The following NLGN4X variants were observed in gnomAD, a reference collection of about 807,000 sequenced individuals.
NLGN4X encodes neuroligin-4, X-linked.
NLGN4X carries 3 observed loss-of-function variants against 40.3 expected under a neutral mutation model. That is an observed-to-expected ratio of 0.07 (90% CI 0.03 to 0.19). The LOEUF (loss-of-function observed/expected upper bound fraction) is 0.19. NLGN4X is among the 10% of genes least tolerant of loss of function. The probability of loss-of-function intolerance (pLI) is 1.00; values close to 1 mark genes in which losing one functional copy is unlikely to be tolerated. For missense variants in NLGN4X, 382 were observed against 708.3 expected, an observed-to-expected ratio of 0.54 and a Z score of 5.23; for synonymous variants, 270 against 306.8, an observed-to-expected ratio of 0.88 and a Z score of 1.25.
intron 2 of NLGN4X, among the ~76,000 whole-genome samples, chrX:6,071,554 C>G (rs902466570): frequency 1.8e-5 from 2 of 111,612 alleles, no homozygotes; most frequent in African/African-American, 6.5e-5. Context: ...TAGTTTCCTT[C>G]GGCTTCAGAA....
intron 1 of NLGN4X, among the ~76,000 whole-genome samples, chrX:6,197,631 C>A (rs1375864341): frequency 9.1e-6 from 1 of 110,255 alleles, no homozygotes; most frequent in Non-Finnish European, 1.9e-5. Context: ...GTATTCATAT[C>A]ATTTGTAATA....
chrX:5,972,752 G>T (rs2035061116), intron 3 of NLGN4X, among the ~76,000 whole-genome samples: 1 of 101,692 alleles, frequency 9.8e-6, no homozygotes, highest in Admixed American at 1.1e-4. Flanking sequence ...GGGAAGACAA[G>T]GTGGGGGGCG....
Position 6,035,314 on chromosome X carries a change from T to C in NLGN4X, c.473-5882A>G, listed in dbSNP as rs111987485. ...GAAGTGTAAAAGTTTTTAATTTTGA[T>C]GAGTTTCACTTGATCAATTCTTTTA... is the stretch of plus-strand genomic sequence containing the variant. On this transcript the variant is annotated intron_variant, in intron 2 of 5. Transcript: ENST00000381095. 9.3e-3 allele frequency among the ~76,000 whole-genome samples: 1,039 copies of C among 111,732 alleles called. 8 individuals are homozygous for C. Among genetic ancestry groups the C allele is most frequent in the Non-Finnish European group, 0.015 (780 of 53,188 alleles).
At chrX:6,200,693 T>C (rs1174730174) in intron 1 of NLGN4X, among the ~76,000 whole-genome samples, 3 of 90,599 alleles carry the variant, frequency 3.3e-5, no homozygotes, top group Non-Finnish European at 4.3e-5. Flanking sequence ...TTTTCTTTTT[T>C]TTTTTTTTTT....
At chrX:6,134,562 A>T (rs905429133) in intron 2 of NLGN4X, among the ~76,000 whole-genome samples, 6 of 112,463 alleles carry the variant, frequency 5.3e-5, no homozygotes, top group African/African-American at 1.9e-4. Flanking sequence ...ATGGAACAAC[A>T]TTTAGCAAAG....
intron 3 of NLGN4X, among the ~76,000 whole-genome samples, chrX:5,946,414 T>C (rs1423002143): frequency 9.0e-6 from 1 of 111,722 alleles, no homozygotes; most frequent in East Asian, 2.8e-4. Context: ...ACTCAAAAAA[T>C]ATTTTGTACA....
intron 2 of NLGN4X, among the ~76,000 whole-genome samples, chrX:6,063,694 T>C (rs1485204694): frequency 8.9e-6 from 1 of 112,248 alleles, no homozygotes; most frequent in Admixed American, 9.4e-5. Flanking sequence ...ATGAATGTTG[T>C]TTTAGAATTA....
intron 2 of NLGN4X, among the ~76,000 whole-genome samples, chrX:6,146,869 C>T (rs1325611589): frequency 2.7e-5 from 3 of 110,807 alleles, no homozygotes; most frequent in Non-Finnish European, 5.7e-5. Flanking sequence ...TCACTGCAAC[C>T]TCCCTCCACC....
intron 1 of NLGN4X, among the ~76,000 whole-genome samples, chrX:6,225,032 G>C (rs865784524): frequency 1.6e-5 from 1 of 62,667 alleles, no homozygotes; most frequent in Non-Finnish European, 2.9e-5. Flanking sequence ...ACACATATAT[G>C]TAGAAATGTA....
intron 1 of NLGN4X, among the ~76,000 whole-genome samples, chrX:6,159,790 C>A (rs1396288758): frequency 8.0e-5 from 9 of 112,326 alleles, no homozygotes. Flanking sequence ...CCAAAGCAGA[C>A]TCAGTATAGG....
At chrX:6,017,067 C>T (rs1236319927) in intron 3 of NLGN4X, among the ~76,000 whole-genome samples, 2 of 111,146 alleles carry the variant, frequency 1.8e-5, no homozygotes, top group East Asian at 2.8e-4. Flanking sequence ...TACTAAAGGC[C>T]ATTGAATTGC....
intron 2 of NLGN4X, chrX:6,032,845 GA>G (rs2147232371): frequency 2.1e-6 from 1 of 469,090 alleles, no homozygotes; most frequent in Non-Finnish European, 3.3e-6. Context: ...ATGCTACCCA[GA>G]AAAAGAAAAA....
intron 1 of NLGN4X, among the ~76,000 whole-genome samples, chrX:6,168,995 T>C (rs1173271878): frequency 8.9e-6 from 1 of 111,735 alleles, no homozygotes; most frequent in South Asian, 3.7e-4. Context: ...CCATAAAAGA[T>C]AAAGGAAAAT....
rs1215396694 is a variant in NLGN4X, at chrX:6,042,730, T to TATATATATGTATATATAC, written c.473-13299_473-13298insGTATATATACATATATAT. 1.5e-4 allele frequency among the ~76,000 whole-genome samples: 3 copies of TATATATATGTATATATAC among 20,149 alleles called. 1 individual carries two copies. The highest frequency in any genetic ancestry group is 2.7e-4 in the Non-Finnish European group (3 of 11,023). 17.5% of individuals were successfully genotyped at this position (20,149 alleles called of 115,157 possible). A position where few individuals can be genotyped will look rare whatever the true frequency, so the allele number is the denominator to read the frequency against. Reference sequence around the variant, plus strand: ...ATATATATATATATATATATATATATACACACACACGTACACATATCTATA... The same window carrying TATATATATGTATATATAC: ...ATATATATATATATATATATATATATATATATATGTATATATACACACACACACGTACACATATCTATA... On this transcript the variant is annotated intron_variant, in intron 2 of 5. Coordinates refer to ENST00000381095, the MANE Select transcript of NLGN4X (RefSeq NM_181332.3).
intron 1 of NLGN4X, among the ~76,000 whole-genome samples, chrX:6,167,653 C>T (rs182906301): frequency 2.7e-4 from 30 of 111,650 alleles, no homozygotes; most frequent in African/African-American, 8.8e-4. Context: ...AGAAGAATTC[C>T]GGGAATGAAC....
chrX:6,042,385 T>G (rs1363563007), intron 2 of NLGN4X, among the ~76,000 whole-genome samples: 2 of 108,592 alleles, frequency 1.8e-5, no homozygotes, highest in East Asian at 5.9e-4. Context: ...TGTTGCAAAT[T>G]TTACTATTGA....
intron 2 of NLGN4X, among the ~76,000 whole-genome samples, chrX:6,110,106 C>T (rs2039114904): frequency 8.9e-6 from 1 of 111,919 alleles, no homozygotes; most frequent in African/African-American, 3.2e-5. Flanking sequence ...CCAAGCCACA[C>T]AGAAGGGCAC....
Position 6,132,812 on chromosome X carries a change from C to T in NLGN4X, c.472+18183G>A, listed in dbSNP as rs753845980. On this transcript the variant is annotated intron_variant, in intron 2 of 5. Transcript: ENST00000381095. ...CCAAGGTAATGTCAATTCCTCAAGG[C>T]GGCCATTCAGACATGTGGATCAGCA... Among the ~76,000 whole-genome samples the T allele has an allele frequency of 1.6e-4, 18 of 111,047 alleles. No individual in the cohort carries two copies. The South Asian group carries it at 3.9e-3, about 24-fold the overall frequency.
intron 1 of NLGN4X, among the ~76,000 whole-genome samples, chrX:6,185,238 T>C (rs1428058087): frequency 2.7e-5 from 3 of 112,026 alleles, no homozygotes; most frequent in Non-Finnish European, 5.6e-5. Context: ...ACAATTCACA[T>C]GGATCATGTT....
Sources: allele counts gnomAD v4.1 joint callset (sites outside exome capture counted in the v4.1 genomes callset), GRCh38; gene constraint gnomAD v4.1.1; transcripts MANE v1.5; gene names NCBI Gene and HGNC (gene_info 2026-07-23, HGNC 2026-07-21).